SCAPER: variants seen among roughly 807,000 people sequenced by gnomAD.
The protein encoded by SCAPER is S-phase cyclin A associated protein in the ER.
A neutral mutation model predicts 182.2 loss-of-function variants in SCAPER; 98 were observed. That is an observed-to-expected ratio of 0.54 (90% CI 0.46 to 0.64). The LOEUF (loss-of-function observed/expected upper bound fraction) is 0.64, where lower values mean the gene tolerates loss of function less well. Ranked by LOEUF, SCAPER falls within the 30% of genes least tolerant of loss-of-function variation. SCAPER has a pLI of 0.00. For synonymous variants in SCAPER, 605 were observed against 564.6 expected, an observed-to-expected ratio of 1.07 and a Z score of -1.01; for missense variants, 1,432 against 1,690.0, an observed-to-expected ratio of 0.85 and a Z score of 2.68.
chr15:76,579,348 C>G (rs1316250179), intron 22 of SCAPER, among the ~76,000 whole-genome samples: 1 of 131,698 alleles, frequency 7.6e-6, no homozygotes, highest in Non-Finnish European at 1.7e-5. Context: ...ATAGAAACAA[C>G]AAAAAGTGAA....
At chr15:76,539,106 T>A (rs767437132) in intron 23 of SCAPER, among the ~76,000 whole-genome samples, 5 of 151,446 alleles carry the variant, frequency 3.3e-5, no homozygotes, top group Non-Finnish European at 5.9e-5. Flanking sequence ...CTAAGCTGAA[T>A]GTTTTTGAAA....
chr15:76,621,892 G>T, intron 21 of SCAPER, 63 bp from the exon 22 acceptor site: 2 of 1,198,030 alleles, frequency 1.7e-6, no homozygotes, highest in Non-Finnish European at 2.4e-6. Context: ...AAACCAAAAT[G>T]TTGGCTGTAT....
At chr15:76,606,897 A>T (rs1195221241) in intron 22 of SCAPER, among the ~76,000 whole-genome samples, 1 of 151,686 alleles carries the variant, frequency 6.6e-6, no homozygotes, top group Non-Finnish European at 1.5e-5. Context: ...CTTTATTTTG[A>T]GCCTATGTGT....
At chr15:76,384,444 G>A (rs1000233368) in intron 27 of SCAPER, among the ~76,000 whole-genome samples, 10 of 152,064 alleles carry the variant, frequency 6.6e-5, no homozygotes, top group East Asian at 1.9e-4. Flanking sequence ...CGAAGAATAT[G>A]TGTAAAAAAT....
At chr15:76,610,725 G>T (rs2050903044) in intron 22 of SCAPER, among the ~76,000 whole-genome samples, 2 of 151,994 alleles carry the variant, frequency 1.3e-5, no homozygotes, top group South Asian at 4.1e-4. Flanking sequence ...AACTAAAAAG[G>T]TGAAAGACTT....
At chr15:76,758,328 T>C (rs957156276) in intron 14 of SCAPER, among the ~76,000 whole-genome samples, 11 of 152,196 alleles carry the variant, frequency 7.2e-5, no homozygotes, top group African/African-American at 2.7e-4. Context: ...CCAATACCCT[T>C]TGTTGAAAAG....
rs570789440 is a variant in SCAPER at position 76,769,621 on chromosome 15, T to C, written c.1248+2121A>G. 3.3e-5 allele frequency among the ~76,000 whole-genome samples: 5 copies of C among 151,976 alleles called. No homozygotes were observed. The East Asian group carries it at 5.8e-4, about 18-fold the overall frequency. On this transcript the variant is annotated intron_variant, in intron 10 of 31. Transcript: ENST00000563290. ...CAAATCAAAACCACATAAGATACCA[T>C]CTCACACCAGTTAGAACGGCGATCA...
At chr15:76,589,509 CA>C (rs2048947407) in intron 22 of SCAPER, among the ~76,000 whole-genome samples, 2 of 152,086 alleles carry the variant, frequency 1.3e-5, no homozygotes, top group Admixed American at 1.3e-4. Flanking sequence ...CCATGCAACC[CA>C]AAAGGCTGGT....
chr15:76,523,037 G>T lies in SCAPER; in HGVS notation c.2839-18063C>A, dbSNP rs11855816. The stretch of plus-strand genomic sequence containing the variant: ...ACATATATAATATATATAAATGTTG[G>T]TTCCCTAGATATTCCTCCCATAATT... On this transcript the variant is annotated intron_variant, in intron 23 of 31. Coordinates refer to ENST00000563290, the MANE Select transcript of SCAPER (RefSeq NM_020843.4). Among the ~76,000 whole-genome samples, 1,232 of 151,890 alleles carry T rather than the reference G, an allele frequency of 8.1e-3. 13 individuals carry two copies. The highest frequency in any genetic ancestry group is 0.028 in the African/African-American group (1,168 of 41,464).
chr15:76,438,865 G>A (rs1045931492), intron 25 of SCAPER, among the ~76,000 whole-genome samples: 5 of 152,100 alleles, frequency 3.3e-5, no homozygotes, highest in South Asian at 4.2e-4. Flanking sequence ...AGTGTTTTTC[G>A]CTTGGAACCT....
At chr15:76,740,506 A>G (rs566384716) in intron 15 of SCAPER, among the ~76,000 whole-genome samples, 10 of 152,282 alleles carry the variant, frequency 6.6e-5, no homozygotes, top group South Asian at 4.2e-4. Context: ...CACCTACAAG[A>G]AAGAAAATTC....
intron 21 of SCAPER, among the ~76,000 whole-genome samples, chr15:76,626,369 T>C (rs2052572678): frequency 6.6e-6 from 1 of 152,204 alleles, no homozygotes; most frequent in African/African-American, 2.4e-5. Flanking sequence ...ATAATGAGAA[T>C]ATTCAAGAAA....
At chr15:76,651,318 A>C (rs2055016918) in intron 21 of SCAPER, among the ~76,000 whole-genome samples, 7 of 152,184 alleles carry the variant, frequency 4.6e-5, no homozygotes, top group Admixed American at 4.6e-4. Flanking sequence ...GTCACTAAAA[A>C]GCATACAGGA....
chr15:76,489,838 C>T (rs1351456720), intron 24 of SCAPER, among the ~76,000 whole-genome samples: 1 of 152,124 alleles, frequency 6.6e-6, no homozygotes, highest in Non-Finnish European at 1.5e-5. Context: ...TAGTTCTGCT[C>T]TCTGCTTCTG....
chr15:76,622,169 T>G (rs180979536), intron 21 of SCAPER, among the ~76,000 whole-genome samples: 2 of 152,182 alleles, frequency 1.3e-5, no homozygotes, highest in East Asian at 3.8e-4. Context: ...CCTTTCTAAC[T>G]AGGCTCCGGC....
intron 26 of SCAPER, among the ~76,000 whole-genome samples, chr15:76,409,280 T>C (rs1346630442): frequency 6.6e-6 from 1 of 152,188 alleles, no homozygotes; most frequent in Admixed American, 6.5e-5. Context: ...GAAATTATAA[T>C]GTTGAGGCTA....
At chr15:76,575,852 T>C (rs897167662) in intron 22 of SCAPER, among the ~76,000 whole-genome samples, 1 of 152,364 alleles carries the variant, frequency 6.6e-6, no homozygotes, top group East Asian at 1.9e-4. Flanking sequence ...CCTGAAGTGA[T>C]AGAAATATTC....
At chr15:76,580,644 C>A (rs1013042677) in intron 22 of SCAPER, among the ~76,000 whole-genome samples, 1 of 151,972 alleles carries the variant, frequency 6.6e-6, no homozygotes, top group Non-Finnish European at 1.5e-5. Flanking sequence ...ATAACAAGAC[C>A]TATCAGATAC....
Position 76,753,971 on chromosome 15 carries a change from T to A in SCAPER, c.1726-23A>T, listed in dbSNP as rs201448841. On this transcript the variant is annotated intron_variant, in intron 14 of 31. Transcript: ENST00000563290. ...CTCCTACGTATAGTGAATCATCACA[T>A]CCTTAATTTCAATATATACAATCAT... 6 of 1,607,674 alleles carry A rather than the reference T, an allele frequency of 3.7e-6. 1 individual carries two copies. The East Asian group carries it at 1.3e-4, about 36-fold the overall frequency.
Sources: gnomAD v4.1 joint callset for allele counts (sites outside exome capture counted in the v4.1 genomes callset) on GRCh38, gnomAD v4.1.1 for gene constraint, MANE v1.5 for transcripts, NCBI Gene and HGNC (gene_info 2026-07-23, HGNC 2026-07-21) for gene names.